Variants in NLGN1 observed in about 807,000 individuals in gnomAD.
NLGN1 encodes neuroligin 1.
Under a neutral mutation model 65.5 loss-of-function variants are expected in NLGN1, and 12 were observed. That is an observed-to-expected ratio of 0.18 (90% confidence interval 0.12 to 0.30). NLGN1 has a LOEUF of 0.30. Among genes scored for constraint, NLGN1 ranks in the 10% least tolerant of loss-of-function variants. The pLI is 1.00. For synonymous variants in NLGN1, 350 were observed against 359.5 expected (o/e 0.97, Z 0.30); for missense variants, 750 against 1,007.1 (o/e 0.74, Z 3.46).
chr3:174,137,276 A>G (rs184304026), intron 4 of NLGN1, among the ~76,000 whole-genome samples: 46 of 152,252 alleles, frequency 3.0e-4, no homozygotes, highest in Middle Eastern at 3.4e-3. Flanking sequence ...AATGGAATAT[A>G]CCAGCAAGCA....
At chr3:173,620,152 TG>T (rs1753750415) in intron 3 of NLGN1, among the ~76,000 whole-genome samples, 1 of 152,118 alleles carries the variant, frequency 6.6e-6, no homozygotes, top group African/African-American at 2.4e-5. Context: ...GTATAAATGA[TG>T]GAATCCAAGG....
intron 2 of NLGN1, among the ~76,000 whole-genome samples, chr3:173,445,996 G>C (rs993395866): frequency 6.6e-5 from 10 of 151,904 alleles, no homozygotes; most frequent in Non-Finnish European, 1.5e-4. Flanking sequence ...TTGCTTTACA[G>C]AGAAAATAAA....
intron 5 of NLGN1, among the ~76,000 whole-genome samples, chr3:174,276,713 C>T (rs773841448): frequency 6.6e-6 from 1 of 151,840 alleles, no homozygotes; most frequent in Non-Finnish European, 1.5e-5. Context: ...GTTTACATAA[C>T]ATTTCATTTA....
At chr3:173,547,789 G>T (rs1287462243) in intron 2 of NLGN1, among the ~76,000 whole-genome samples, 1 of 152,004 alleles carries the variant, frequency 6.6e-6, no homozygotes, top group Non-Finnish European at 1.5e-5. Flanking sequence ...CTCTCTTGGG[G>T]TCTATATAAA....
chr3:173,555,562 C>G (rs1393173086), intron 2 of NLGN1, among the ~76,000 whole-genome samples: 1 of 152,180 alleles, frequency 6.6e-6, no homozygotes, highest in African/African-American at 2.4e-5. Context: ...TCGCTATGGC[C>G]TCAAAATCCC....
chr3:173,798,875 T>C (rs1392168029), intron 3 of NLGN1, among the ~76,000 whole-genome samples: 1 of 152,048 alleles, frequency 6.6e-6, no homozygotes, highest in Non-Finnish European at 1.5e-5. Context: ...TGATGAAACA[T>C]AACTGTATTA....
chr3:173,624,956 A>G (rs565557745), intron 3 of NLGN1, among the ~76,000 whole-genome samples: 11 of 152,104 alleles, frequency 7.2e-5, no homozygotes, highest in Admixed American at 3.9e-4. Context: ...ACTTTAACTT[A>G]GTTGACAGTG....
intron 3 of NLGN1, among the ~76,000 whole-genome samples, chr3:173,711,898 T>C (rs1288708020): frequency 6.6e-6 from 1 of 152,150 alleles, no homozygotes; most frequent in Non-Finnish European, 1.5e-5. Context: ...GTACGGACAG[T>C]AGTGTTCCAA....
chr3:173,756,764 T>A (rs1164789545), intron 3 of NLGN1, among the ~76,000 whole-genome samples: 3 of 80,334 alleles, frequency 3.7e-5, no homozygotes, highest in African/African-American at 5.7e-5. Flanking sequence ...AATGGATAAA[T>A]GTAAAAAAAA....
At chr3:173,772,947 A>C (rs934217654) in intron 3 of NLGN1, among the ~76,000 whole-genome samples, 1 of 152,204 alleles carries the variant, frequency 6.6e-6, no homozygotes, top group African/African-American at 2.4e-5. Flanking sequence ...TTGCAAAAGC[A>C]ATCTTCCCCT....
intron 3 of NLGN1, among the ~76,000 whole-genome samples, chr3:173,625,294 A>T (rs1419187121): frequency 6.6e-6 from 1 of 151,974 alleles, no homozygotes; most frequent in African/African-American, 2.4e-5. Context: ...GTGTTTTGAG[A>T]TGTGTGTGTA....
intron 3 of NLGN1, among the ~76,000 whole-genome samples, chr3:173,699,446 A>T (rs1331454700): frequency 1.3e-5 from 2 of 152,296 alleles, no homozygotes; most frequent in East Asian, 3.9e-4. Flanking sequence ...ATTCTTATTC[A>T]AATGTGTCAT....
intron 4 of NLGN1, among the ~76,000 whole-genome samples, chr3:174,149,496 T>C (rs1009625337): frequency 5.6e-4 from 85 of 152,148 alleles, no homozygotes; most frequent in African/African-American, 1.9e-3. Flanking sequence ...TCTGTCCCTA[T>C]CTTCTCTAAT....
intron 2 of NLGN1, among the ~76,000 whole-genome samples, chr3:173,441,836 T>C (rs557136882): frequency 5.3e-5 from 8 of 152,240 alleles, no homozygotes; most frequent in African/African-American, 1.7e-4. Flanking sequence ...AAAAATACAT[T>C]CTCTGCAAAG....
chr3:173,572,480 T>C (rs913522256), intron 2 of NLGN1, among the ~76,000 whole-genome samples: 1 of 152,242 alleles, frequency 6.6e-6, no homozygotes, highest in Non-Finnish European at 1.5e-5. Flanking sequence ...TGAACCAATC[T>C]GAGTCCATGC....
intron 2 of NLGN1, among the ~76,000 whole-genome samples, chr3:173,460,498 T>C (rs1723205640): frequency 1.3e-5 from 2 of 152,146 alleles, no homozygotes; most frequent in Non-Finnish European, 2.9e-5. Context: ...ATTAAAGTGT[T>C]GAATGTTATC....
chr3:174,142,573 A>C (rs2152690773), intron 4 of NLGN1, among the ~76,000 whole-genome samples: 1 of 152,320 alleles, frequency 6.6e-6, no homozygotes, highest in South Asian at 2.1e-4. Context: ...TAGAAGCAGA[A>C]TGCTCTCCAC....
intron 4 of NLGN1, among the ~76,000 whole-genome samples, chr3:174,119,719 A>G (rs1482201046): frequency 6.6e-6 from 1 of 152,202 alleles, no homozygotes; most frequent in African/African-American, 2.4e-5. Context: ...TTTGCCTGGG[A>G]CCCATCACTT....
chr3:173,568,441 C>T (rs1249236871), intron 2 of NLGN1, among the ~76,000 whole-genome samples: 1 of 152,048 alleles, frequency 6.6e-6, no homozygotes, highest in Non-Finnish European at 1.5e-5. Flanking sequence ...GCCATGTTGG[C>T]CAGGCTGCCC....
Sources: gnomAD v4.1 joint callset for allele counts (sites outside exome capture counted in the v4.1 genomes callset) on GRCh38, gnomAD v4.1.1 for gene constraint, MANE v1.5 for transcripts, NCBI Gene and HGNC (gene_info 2026-07-23, HGNC 2026-07-21) for gene names.